The following SMARCAD1 variants were observed in gnomAD, a reference collection of about 807,000 sequenced individuals.
The protein encoded by SMARCAD1 is SWI/SNF-related matrix-associated actin-dependent regulator of chromatin subfamily A containing DEAD/H box 1.
SMARCAD1 carries 25 observed loss-of-function variants against 127.1 expected under a neutral mutation model. The ratio of observed to expected loss-of-function variants is 0.20; its 90% confidence interval spans 0.14 to 0.27. The LOEUF (loss-of-function observed/expected upper bound fraction) is 0.27. SMARCAD1 is among the 10% of genes least tolerant of loss of function. The pLI, the probability that SMARCAD1 is intolerant of heterozygous loss-of-function variation, is 1.00. For synonymous variants in SMARCAD1, 400 were observed against 396.9 expected, an observed-to-expected ratio of 1.01 and a Z score of -0.09; for missense variants, 807 against 1,206.0, an observed-to-expected ratio of 0.67 and a Z score of 4.90.
intron 9 of SMARCAD1, among the ~76,000 whole-genome samples, chr4:94,256,021 C>T (rs993744604): frequency 3.3e-5 from 5 of 152,108 alleles, no homozygotes; most frequent in African/African-American, 1.2e-4. Flanking sequence ...TGCCAAATTT[C>T]ACACATTTGA....
Position 94,252,596 on chromosome 4 carries a change from T to G in SMARCAD1, c.890-20T>G, listed in dbSNP as rs777832557. 4 of 1,478,142 alleles carry G rather than the reference T, an allele frequency of 2.7e-6. No individual in the cohort carries two copies. The highest frequency in any genetic ancestry group is 3.6e-6 in the Non-Finnish European group (4 of 1,101,144). 91.6% of individuals were successfully genotyped at this position (1,478,142 alleles called of 1,614,324 possible). ...TTATGTATTTCTAATTTAGTTACTG[T>G]TTTTGTCTTTTATATACAGATATGC... is the stretch of plus-strand genomic sequence containing the variant. On this transcript the variant is annotated intron_variant, in intron 8 of 23. Transcript: ENST00000354268.
chr4:94,226,057 A>G lies in SMARCAD1; in HGVS notation c.191-62A>G, dbSNP rs1744934277. 29 of 1,351,990 alleles carry G rather than the reference A, an allele frequency of 2.1e-5. No homozygotes were observed. The South Asian group carries it at 3.3e-4, about 15-fold the overall frequency. The allele number at this position is 1,351,990 out of a possible 1,614,324, so 83.7% of individuals were successfully genotyped here. ...TTTGAGATTTTAGCACATGATTATA[A>G]CTAACAACAGATTCGTTTTCCAGTT... On this transcript the variant is annotated intron_variant, in intron 2 of 23. Coordinates refer to ENST00000354268, the MANE Select transcript of SMARCAD1 (RefSeq NM_020159.5).
At chr4:94,213,916 G>A (rs933798419) in intron 2 of SMARCAD1, among the ~76,000 whole-genome samples, 3 of 152,020 alleles carry the variant, frequency 2.0e-5, no homozygotes, top group Non-Finnish European at 4.4e-5. Context: ...TCCTAAGCAG[G>A]GTGTACAATA....
intron 9 of SMARCAD1, among the ~76,000 whole-genome samples, chr4:94,260,794 C>T (rs1171530520): frequency 6.6e-6 from 1 of 152,124 alleles, no homozygotes; most frequent in African/African-American, 2.4e-5. Context: ...AGTGATTGGT[C>T]ACCCCCACCT....
chr4:94,213,163 A>G (rs1381263465), intron 2 of SMARCAD1: 1 of 1,218,484 alleles, frequency 8.2e-7, no homozygotes, highest in Admixed American at 2.4e-5. Context: ...GTATGTAAAT[A>G]TATAGTTAAA....
At chr4:94,278,195 A>G (rs1329385328) in intron 16 of SMARCAD1, among the ~76,000 whole-genome samples, 1 of 152,224 alleles carries the variant, frequency 6.6e-6, no homozygotes, top group Non-Finnish European at 1.5e-5. Context: ...TGATTACTTC[A>G]GTAGAGAACA....
At chr4:94,236,827 T>C in intron 4 of SMARCAD1, 125 bp from the exon 5 acceptor site, 1 of 787,712 alleles carries the variant, frequency 1.3e-6, no homozygotes, top group Non-Finnish European at 2.1e-6. Context: ...TTAATGAACT[T>C]AAACTATGAC....
chr4:94,274,025 A>G (rs1166369126), intron 12 of SMARCAD1, among the ~76,000 whole-genome samples: 2 of 152,244 alleles, frequency 1.3e-5, no homozygotes, highest in Non-Finnish European at 2.9e-5. Flanking sequence ...GTACTTTTAA[A>G]TGTAGAATTA....
chr4:94,246,746 T>C (rs182313054), intron 6 of SMARCAD1, among the ~76,000 whole-genome samples: 421 of 152,270 alleles, frequency 2.8e-3, no homozygotes, highest in Non-Finnish European at 4.3e-3. Flanking sequence ...AGTGATACTC[T>C]CTAGACTGTG....
intron 6 of SMARCAD1, 51 bp downstream of exon 6, chr4:94,241,057 A>T: frequency 3.1e-6 from 4 of 1,296,714 alleles, no homozygotes; most frequent in Non-Finnish European, 4.5e-6. Context: ...TAAGGTTAGG[A>T]TATGTGGAGT....
At position 94,207,885 on chromosome 4, in the gene SMARCAD1, G is replaced by T. The variant is rs1741438089; in HGVS notation, c.-235G>T. The T allele has an allele frequency of 9.0e-6, 3 of 332,578 alleles. No homozygotes were observed. The highest frequency in any genetic ancestry group is 2.5e-5 in the South Asian group (1 of 40,362). The allele number at this position is 332,578 out of a possible 1,614,324, so 20.6% of individuals were successfully genotyped here. Reference sequence around the variant, plus strand: ...GCGCCGCGTCAACTTCCGGGCGGATGCCCGCCAGCACGGCCTCCGCCGCTC... The same window carrying T: ...GCGCCGCGTCAACTTCCGGGCGGATTCCCGCCAGCACGGCCTCCGCCGCTC... On this transcript the variant is annotated 5_prime_UTR_variant, in exon 1 of 24. It removes an upstream start codon present in the reference 5' UTR. Transcript: ENST00000354268.
At chr4:94,270,953 A>G in intron 11 of SMARCAD1, 135 bp downstream of exon 11, 1 of 715,838 alleles carries the variant, frequency 1.4e-6, no homozygotes, top group Non-Finnish European at 2.5e-6. Flanking sequence ...ATTTTATCTC[A>G]TCTTTGTTTT....
intron 10 of SMARCAD1, among the ~76,000 whole-genome samples, chr4:94,267,239 T>C (rs1751863642): frequency 6.6e-6 from 1 of 152,144 alleles, no homozygotes; most frequent in Non-Finnish European, 1.5e-5. Flanking sequence ...CCTTTGTCAG[T>C]GATGTGAACG....
At chr4:94,250,996 T>C (rs917101509) in intron 8 of SMARCAD1, among the ~76,000 whole-genome samples, 163 bp downstream of exon 8, 4 of 152,190 alleles carry the variant, frequency 2.6e-5, no homozygotes, top group African/African-American at 9.6e-5. Flanking sequence ...ACAACCAGTT[T>C]TTAAATGTTT....
In SMARCAD1 at chr4:94,252,788, T is replaced by C; in HGVS notation, c.1062T>C (p.Val354=). ...RKKNVFNPKR[V]VEDSEYDSGS... ...AAAATGTTTTTAATCCAAAGAGAGT[T>C]GTTGAAGACTCTGAATATGATTCAG... is the stretch of plus-strand genomic sequence containing the variant. Residue 354 remains valine (V), a synonymous_variant, in exon 9 of 24, where the codon GTT becomes GTC. Transcript: ENST00000354268. 4.3e-6 allele frequency: 7 copies of C among 1,613,814 alleles called. No homozygotes were observed. Among genetic ancestry groups the C allele is most frequent in the Non-Finnish European group, 5.9e-6 (7 of 1,179,948 alleles).
chr4:94,260,504 C>T (rs186268258), intron 9 of SMARCAD1, among the ~76,000 whole-genome samples: 3 of 152,024 alleles, frequency 2.0e-5, no homozygotes, highest in Middle Eastern at 3.4e-3. Flanking sequence ...CCACCACACC[C>T]AGTTAATTTT....
At chr4:94,212,943 GATTT>G (rs1742520456) in intron 2 of SMARCAD1, 1 of 586,182 alleles carries the variant, frequency 1.7e-6, no homozygotes, top group African/African-American at 1.9e-5. Flanking sequence ...TCTGCCCCCT[GATTT>G]ATTTTACTCT....
intron 9 of SMARCAD1, among the ~76,000 whole-genome samples, chr4:94,260,732 T>C (rs1224666951): frequency 6.6e-6 from 1 of 152,224 alleles, no homozygotes; most frequent in East Asian, 1.9e-4. Flanking sequence ...GCCGTTCATA[T>C]ACAAAATTCA....
intron 14 of SMARCAD1, among the ~76,000 whole-genome samples, chr4:94,275,354 A>G (rs887210220): frequency 3.9e-5 from 6 of 152,184 alleles, no homozygotes; most frequent in African/African-American, 1.4e-4. Flanking sequence ...AATTTGAGTT[A>G]GGGCAGAAAT....
Sources: allele counts gnomAD v4.1 joint callset (sites outside exome capture counted in the v4.1 genomes callset), GRCh38; gene constraint gnomAD v4.1.1; transcripts MANE v1.5; gene names NCBI Gene and HGNC (gene_info 2026-07-23, HGNC 2026-07-21).